The following LY86 variants were observed in gnomAD, a reference collection of about 807,000 sequenced individuals.
LY86 encodes the protein lymphocyte antigen 86.
A neutral mutation model predicts 17.3 loss-of-function variants in LY86; 20 were observed. That is an observed-to-expected ratio of 1.15 (90% CI 0.81 to 1.68). The LOEUF (loss-of-function observed/expected upper bound fraction) is 1.68, where lower values mean the gene tolerates loss of function less well. Among genes scored for constraint, LY86 ranks in the 40% most tolerant of loss-of-function variants. The pLI is 0.00. For missense variants in LY86, 200 were observed against 191.9 expected, an observed-to-expected ratio of 1.04 and a Z score of -0.25; for synonymous variants, 74 against 70.6, an observed-to-expected ratio of 1.05 and a Z score of -0.24.
At chr6:6,630,047 A>G (rs1257548215) in intron 3 of LY86, among the ~76,000 whole-genome samples, 2 of 152,264 alleles carry the variant, frequency 1.3e-5, no homozygotes, top group Non-Finnish European at 2.9e-5. Context: ...AAAAACTCTG[A>G]AAGAGTACAC....
At chr6:6,636,566 G>C (rs1761961698) in intron 3 of LY86, among the ~76,000 whole-genome samples, 2 of 152,174 alleles carry the variant, frequency 1.3e-5, no homozygotes, top group South Asian at 2.1e-4. Flanking sequence ...AGAAGTTTAA[G>C]ACCTTTTCCT....
At chr6:6,594,123 AGAG>A (rs1201464569) in intron 1 of LY86, among the ~76,000 whole-genome samples, 2 of 152,254 alleles carry the variant, frequency 1.3e-5, no homozygotes, top group Non-Finnish European at 2.9e-5. Context: ...TCAACCAGGC[AGAG>A]GAGGACCTGT....
chr6:6,601,897 T>C (rs935629625), intron 1 of LY86, among the ~76,000 whole-genome samples: 2 of 152,164 alleles, frequency 1.3e-5, no homozygotes, highest in African/African-American at 4.8e-5. Context: ...CATCTAGAGG[T>C]GCAGCCTCCT....
chr6:6,605,717 G>GC (rs141489204), intron 1 of LY86, among the ~76,000 whole-genome samples: 1 of 152,212 alleles, frequency 6.6e-6, no homozygotes, highest in African/African-American at 2.4e-5. Flanking sequence ...GGAACCTCGC[G>GC]GTGAGTGTTA....
chr6:6,589,831 C>CCTAT (rs1470681486), intron 1 of LY86, among the ~76,000 whole-genome samples: 1 of 152,022 alleles, frequency 6.6e-6, no homozygotes, highest in Non-Finnish European at 1.5e-5. Context: ...CTTTAAAGAC[C>CCTAT]CTATCTCCAG....
At chr6:6,640,320 G>A (rs182416728) in intron 3 of LY86, among the ~76,000 whole-genome samples, 5 of 151,864 alleles carry the variant, frequency 3.3e-5, no homozygotes, top group African/African-American at 9.7e-5. Flanking sequence ...CACTTTGGGA[G>A]GCCGAGGGGC....
At chr6:6,613,976 G>A (rs934835575) in intron 1 of LY86, among the ~76,000 whole-genome samples, 12 of 152,244 alleles carry the variant, frequency 7.9e-5, no homozygotes, top group African/African-American at 2.7e-4. Context: ...TTCTGATGGA[G>A]ATATTTTTCA....
intron 1 of LY86, among the ~76,000 whole-genome samples, chr6:6,593,376 C>T (rs553482917): frequency 1.3e-5 from 2 of 152,222 alleles, no homozygotes; most frequent in Non-Finnish European, 2.9e-5. Flanking sequence ...ATCTCCCCAA[C>T]TCAAGATCCT....
rs991652495 is a variant in LY86 at position 6,611,731 on chromosome 6, C to T, written c.137-13195C>T. ...TTTCTCCTGAAAGTCAGGGGCTATGCTTAAGACTAAATCACCTTTGTATCC... is the reference window on the plus strand; with the variant it reads ...TTTCTCCTGAAAGTCAGGGGCTATGTTTAAGACTAAATCACCTTTGTATCC... On this transcript the variant is annotated intron_variant, in intron 1 of 4. Transcript: ENST00000230568. Among the ~76,000 whole-genome samples, 168 of 152,318 alleles carry T rather than the reference C, an allele frequency of 1.1e-3. 1 individual carries two copies. The highest frequency in any genetic ancestry group is 3.9e-3 in the African/African-American group (163 of 41,572).
At chr6:6,596,226 A>G (rs901083524) in intron 1 of LY86, among the ~76,000 whole-genome samples, 4 of 152,216 alleles carry the variant, frequency 2.6e-5, no homozygotes, top group Admixed American at 1.3e-4. Context: ...AATAGAGGGT[A>G]AGCTGCAAAC....
intron 1 of LY86, among the ~76,000 whole-genome samples, chr6:6,602,442 C>T (rs1018646607): frequency 2.6e-5 from 4 of 152,192 alleles, no homozygotes; most frequent in South Asian, 2.1e-4. Context: ...GAAACCACAT[C>T]GGAATTAGTA....
intron 1 of LY86, among the ~76,000 whole-genome samples, chr6:6,600,946 C>T (rs932026489): frequency 5.5e-4 from 84 of 152,216 alleles, no homozygotes; most frequent in African/African-American, 2.0e-3. Flanking sequence ...AGCTTTTCTG[C>T]CTCACACTTG....
At chr6:6,612,560 G>A (rs554589497) in intron 1 of LY86, among the ~76,000 whole-genome samples, 78 of 152,228 alleles carry the variant, frequency 5.1e-4, no homozygotes, top group African/African-American at 1.8e-3. Context: ...ACAACCAGTT[G>A]TCACTAGTGG....
chr6:6,611,115 GA>G (rs1561782450), intron 1 of LY86, among the ~76,000 whole-genome samples: 1 of 152,204 alleles, frequency 6.6e-6, no homozygotes. Flanking sequence ...GCCTTTCAAA[GA>G]AACAAGCTGG....
At chr6:6,649,240 A>G (rs904138407) in intron 3 of LY86, among the ~76,000 whole-genome samples, 2 of 152,166 alleles carry the variant, frequency 1.3e-5, no homozygotes, top group African/African-American at 4.8e-5. Flanking sequence ...CACAGGTAAA[A>G]TCCACCCCCA....
intron 1 of LY86, among the ~76,000 whole-genome samples, chr6:6,618,525 C>G (rs1761605508): frequency 6.6e-6 from 1 of 152,044 alleles, no homozygotes; most frequent in Non-Finnish European, 1.5e-5. Flanking sequence ...AACATATTCA[C>G]CAAGGTTGCC....
At chr6:6,598,349 T>A in intron 1 of LY86, among the ~76,000 whole-genome samples, 1 of 139,404 alleles carries the variant, frequency 7.2e-6, no homozygotes, top group South Asian at 2.1e-4. Context: ...CATTTATCTC[T>A]TTATTATCTT....
chr6:6,652,804 A>G (rs921307383), intron 4 of LY86, among the ~76,000 whole-genome samples: 1 of 152,144 alleles, frequency 6.6e-6, no homozygotes, highest in Non-Finnish European at 1.5e-5. Context: ...CTTATACCAG[A>G]GTCTGTGATA....
intron 1 of LY86, among the ~76,000 whole-genome samples, chr6:6,608,627 A>G (rs1452332139): frequency 2.0e-5 from 3 of 152,222 alleles, no homozygotes; most frequent in Non-Finnish European, 4.4e-5. Flanking sequence ...TTTGTCCAGT[A>G]ATGTTTCCAT....
Sources: gnomAD v4.1 joint callset for allele counts (sites outside exome capture counted in the v4.1 genomes callset) on GRCh38, gnomAD v4.1.1 for gene constraint, MANE v1.5 for transcripts, NCBI Gene and HGNC (gene_info 2026-07-23, HGNC 2026-07-21) for gene names.